SEC24D: variants seen among roughly 807,000 people sequenced by gnomAD.
SEC24D encodes the protein SEC24 homolog D, COPII component.
In SEC24D, 69 loss-of-function variants were observed where a neutral mutation model predicts 116.9. The ratio of observed to expected loss-of-function variants is 0.59; its 90% confidence interval spans 0.49 to 0.72. SEC24D has a LOEUF of 0.72. SEC24D is among the 30% of genes least tolerant of loss of function. The pLI, the probability that SEC24D is intolerant of heterozygous loss-of-function variation, is 0.00. For synonymous variants in SEC24D, 405 were observed against 442.8 expected, an observed-to-expected ratio of 0.91 and a Z score of 1.07; for missense variants, 1,131 against 1,264.1, an observed-to-expected ratio of 0.89 and a Z score of 1.60.
intron 3 of SEC24D, among the ~76,000 whole-genome samples, chr4:118,822,125 G>C (rs1360691523): frequency 6.6e-6 from 1 of 152,198 alleles, no homozygotes; most frequent in Non-Finnish European, 1.5e-5. Flanking sequence ...ATTGACAAAT[G>C]CTAAGGTGTT....
Position 118,824,734 on chromosome 4 carries a change from G to T in SEC24D, c.134C>A (p.Ala45Glu). The change falls in exon 3 of 23, where the codon GCA becomes GAA. Residue 45 changes from alanine to glutamate, a missense_variant. Physicochemically the swap from Ala to Glu is moderately radical, Grantham distance 107. Transcript: ENST00000280551. ...TASPTGMMKP[A>E]GPLGATATRG... ...AGTGGCGGTGGCCCCCAAAGGCCCT[G>T]CTGGCTTCATCATACCTGCAAGAGA... 1 of 1,598,486 alleles carries T rather than the reference G, an allele frequency of 6.3e-7. No homozygotes were observed. Among genetic ancestry groups the T allele is most frequent in the Non-Finnish European group, 8.5e-7 (1 of 1,174,570 alleles).
chr4:118,808,676 G>C (rs1040986721), intron 6 of SEC24D, among the ~76,000 whole-genome samples: 7 of 152,124 alleles, frequency 4.6e-5, no homozygotes, highest in East Asian at 3.8e-4. Flanking sequence ...GTACCTGAAG[G>C]GTTTAGATTT....
intron 6 of SEC24D, among the ~76,000 whole-genome samples, chr4:118,807,836 T>A (rs897699220): frequency 7.9e-5 from 12 of 152,154 alleles, no homozygotes; most frequent in Admixed American, 7.2e-4. Flanking sequence ...GCTCCAAACA[T>A]AACTGCTGTC....
intron 6 of SEC24D, among the ~76,000 whole-genome samples, chr4:118,806,397 G>T (rs796327797): frequency 1.3e-5 from 2 of 151,526 alleles, no homozygotes; most frequent in Admixed American, 1.3e-4. Flanking sequence ...GTGCTGTGCC[G>T]CAATCATAGC....
At chr4:118,801,910 T>A (rs1481931753) in intron 7 of SEC24D, among the ~76,000 whole-genome samples, 1 of 152,246 alleles carries the variant, frequency 6.6e-6, no homozygotes, top group Non-Finnish European at 1.5e-5. Context: ...TGAAACTTTT[T>A]GAGATGCTTA....
At chr4:118,789,319 C>T (rs964202854) in intron 8 of SEC24D, among the ~76,000 whole-genome samples, 1 of 152,182 alleles carries the variant, frequency 6.6e-6, no homozygotes, top group Non-Finnish European at 1.5e-5. Flanking sequence ...ACTATGTCAA[C>T]GCATGCAAGC....
At chr4:118,784,743 C>T (rs530106639) in intron 8 of SEC24D, among the ~76,000 whole-genome samples, 1 of 151,088 alleles carries the variant, frequency 6.6e-6, no homozygotes, top group Admixed American at 6.6e-5. Context: ...TTCCCTGCCC[C>T]CCCCCCCGCC....
chr4:118,762,975 T>C (rs755703201), intron 10 of SEC24D, among the ~76,000 whole-genome samples: 10 of 152,150 alleles, frequency 6.6e-5, no homozygotes, highest in Non-Finnish European at 1.5e-4. Context: ...AACTAGAAAC[T>C]GAGAGCAGGG....
Position 118,815,930 on chromosome 4 carries a change from C to T in SEC24D, c.398-204G>A, listed in dbSNP as rs115987912. On this transcript the variant is annotated intron_variant, in intron 4 of 22. Transcript: ENST00000280551. ...CTATTTTATACAACTGGGATTTTTTCTTTTTTTTAAGGACAGGGTCTTGCT... is the reference window on the plus strand; with the variant it reads ...CTATTTTATACAACTGGGATTTTTTTTTTTTTTTAAGGACAGGGTCTTGCT... Among the ~76,000 whole-genome samples, 6,600 of 151,536 alleles carry T rather than the reference C, an allele frequency of 0.044. 191 individuals carry two copies. Among genetic ancestry groups the T allele is most frequent in the Non-Finnish European group, 0.063 (4,302 of 67,830 alleles).
intron 7 of SEC24D, among the ~76,000 whole-genome samples, chr4:118,799,368 G>C (rs923180808): frequency 2.0e-5 from 3 of 152,138 alleles, no homozygotes; most frequent in African/African-American, 7.2e-5. Flanking sequence ...TAGAGATCAG[G>C]AATCTAGTCA....
chr4:118,785,249 A>C (rs894315936), intron 8 of SEC24D, among the ~76,000 whole-genome samples: 2 of 152,222 alleles, frequency 1.3e-5, no homozygotes, highest in Non-Finnish European at 2.9e-5. Flanking sequence ...ATTACTTGGC[A>C]TCAAAATTCT....
chr4:118,763,445 A>G (rs1003309403), intron 10 of SEC24D, among the ~76,000 whole-genome samples: 1 of 152,232 alleles, frequency 6.6e-6, no homozygotes, highest in Non-Finnish European at 1.5e-5. Context: ...GCAAACATCT[A>G]TGAAAGAAAT....
chr4:118,734,543 A>G (rs560082128), intron 19 of SEC24D, among the ~76,000 whole-genome samples: 1 of 152,096 alleles, frequency 6.6e-6, no homozygotes, highest in Non-Finnish European at 1.5e-5. Context: ...GAAAATGGAT[A>G]TAGAGTTATC....
At chr4:118,803,659 T>C (rs1729547187) in intron 7 of SEC24D, among the ~76,000 whole-genome samples, 1 of 152,206 alleles carries the variant, frequency 6.6e-6, no homozygotes, top group Non-Finnish European at 1.5e-5. Context: ...TATTTCTGAA[T>C]AGAGGCAGTG....
At chr4:118,834,347 G>A (rs1236449017) in intron 1 of SEC24D, among the ~76,000 whole-genome samples, 4 of 152,118 alleles carry the variant, frequency 2.6e-5, no homozygotes, top group African/African-American at 9.7e-5. Flanking sequence ...TTTCAAAGGC[G>A]ACAGAATTTC....
At chr4:118,724,273 AAC>A (rs1344090924) in intron 22 of SEC24D, among the ~76,000 whole-genome samples, 2 of 152,112 alleles carry the variant, frequency 1.3e-5, no homozygotes, top group Non-Finnish European at 2.9e-5. Context: ...TAGAGAGGTT[AAC>A]ACACAGGGAA....
At chr4:118,810,214 G>C (rs1175159218) in intron 6 of SEC24D, among the ~76,000 whole-genome samples, 1 of 151,582 alleles carries the variant, frequency 6.6e-6, no homozygotes. Flanking sequence ...GGTTTTTAGA[G>C]TATTGGTTTC....
At chr4:118,792,165 C>CTG (rs1315821510) in intron 8 of SEC24D, among the ~76,000 whole-genome samples, 2 of 151,682 alleles carry the variant, frequency 1.3e-5, no homozygotes, top group Non-Finnish European at 2.9e-5. Flanking sequence ...AGGAGTGTCT[C>CTG]TGCCCCGCCG....
At chr4:118,821,119 C>G (rs1246156959) in intron 3 of SEC24D, among the ~76,000 whole-genome samples, 1 of 152,104 alleles carries the variant, frequency 6.6e-6, no homozygotes, top group Non-Finnish European at 1.5e-5. Flanking sequence ...ATACCTAGCC[C>G]ATAGAGAAAA....
Sources: allele counts gnomAD v4.1 joint callset (sites outside exome capture counted in the v4.1 genomes callset), GRCh38; gene constraint gnomAD v4.1.1; transcripts MANE v1.5; gene names NCBI Gene and HGNC (gene_info 2026-07-23, HGNC 2026-07-21).